The following SPON1 variants were observed in gnomAD, a reference collection of about 807,000 sequenced individuals.
SPON1 encodes the protein spondin 1, also known as spondin-1.
SPON1 carries 52 observed loss-of-function variants against 111.7 expected under a neutral mutation model. The ratio of observed to expected loss-of-function variants is 0.47; its 90% CI spans 0.37 to 0.59. The LOEUF (loss-of-function observed/expected upper bound fraction) is 0.59, where lower values mean the gene tolerates loss of function less well. Among genes scored for constraint, SPON1 ranks in the 20% least tolerant of loss-of-function variants. The pLI is 0.00. For missense variants in SPON1, 957 were observed against 1,068.5 expected, an observed-to-expected ratio of 0.90 and a Z score of 1.46; for synonymous variants, 410 against 395.8, an observed-to-expected ratio of 1.04 and a Z score of -0.43.
chr11:14,260,191 A>C lies in SPON1; in HGVS notation c.1832-397A>C, dbSNP rs538557527. 2.6e-5 allele frequency among the ~76,000 whole-genome samples: 4 copies of C among 152,330 alleles called. No individual in the cohort carries two copies. The South Asian group carries it at 8.3e-4, about 32-fold the overall frequency. On this transcript the variant is annotated intron_variant, in intron 13 of 15. Coordinates refer to ENST00000576479, the MANE Select transcript of SPON1 (RefSeq NM_006108.4). ...TATACAGGCACACAAGTATATACAC[A>C]TTCTAGGGAATTCAGGACAATGTCC... is the stretch of plus-strand genomic sequence containing the variant.
At chr11:14,085,024 C>A (rs534810657) in intron 5 of SPON1, among the ~76,000 whole-genome samples, 3 of 81,064 alleles carry the variant, frequency 3.7e-5, no homozygotes, top group African/African-American at 9.0e-5. Flanking sequence ...TGTTTGAGTT[C>A]TTTGTAATTC....
chr11:14,190,619 CTTCTT>C (rs531151555), intron 6 of SPON1, among the ~76,000 whole-genome samples: 2 of 148,516 alleles, frequency 1.3e-5, no homozygotes, highest in South Asian at 2.2e-4. Context: ...TCCTCCCTTG[CTTCTT>C]TTCTTTTCTT....
chr11:14,227,235 C>T (rs181837057), intron 6 of SPON1, among the ~76,000 whole-genome samples: 22 of 152,258 alleles, frequency 1.4e-4, no homozygotes, highest in African/African-American at 5.3e-4. Context: ...TGGTCTCAAT[C>T]TCCTGGCCTC....
intron 3 of SPON1, among the ~76,000 whole-genome samples, chr11:14,050,410 G>T (rs1024011702): frequency 6.6e-6 from 1 of 152,180 alleles, no homozygotes; most frequent in Non-Finnish European, 1.5e-5. Context: ...ATTCATTTGT[G>T]TACTGTTAGA....
intron 5 of SPON1, among the ~76,000 whole-genome samples, chr11:14,086,796 G>A (rs569267075): frequency 2.0e-5 from 3 of 152,190 alleles, no homozygotes; most frequent in Non-Finnish European, 2.9e-5. Flanking sequence ...TTGGTTGGTA[G>A]GCTATTAATT....
At chr11:14,048,186 C>T (rs533655393) in intron 3 of SPON1, among the ~76,000 whole-genome samples, 13 of 152,246 alleles carry the variant, frequency 8.5e-5, no homozygotes, top group South Asian at 8.3e-4. Context: ...TTGCATTGAG[C>T]GGAGATCATG....
chr11:13,999,424 CTTT>C (rs11411530), intron 2 of SPON1, among the ~76,000 whole-genome samples: 2 of 142,576 alleles, frequency 1.4e-5, no homozygotes, highest in South Asian at 2.3e-4. Context: ...CATTTTCTTT[CTTT>C]TTTTTTTTTT....
At chr11:14,076,860 G>C (rs1475799283) in intron 4 of SPON1, among the ~76,000 whole-genome samples, 1 of 152,200 alleles carries the variant, frequency 6.6e-6, no homozygotes, top group East Asian at 1.9e-4. Flanking sequence ...GCAGTCCAGA[G>C]AACCCTGGCC....
At chr11:14,170,172 G>A (rs1554932288) in intron 6 of SPON1, among the ~76,000 whole-genome samples, 1 of 152,020 alleles carries the variant, frequency 6.6e-6, no homozygotes, top group Non-Finnish European at 1.5e-5. Flanking sequence ...TTATTACATT[G>A]AGCAGTGGTT....
At chr11:13,987,387 C>A (rs1848193764) in intron 2 of SPON1, among the ~76,000 whole-genome samples, 1 of 151,326 alleles carries the variant, frequency 6.6e-6, no homozygotes. Context: ...CTGTTAATAT[C>A]CTTTGCCCAC....
intron 3 of SPON1, among the ~76,000 whole-genome samples, chr11:14,062,773 G>A (rs1848801194): frequency 6.6e-6 from 1 of 152,196 alleles, no homozygotes; most frequent in Non-Finnish European, 1.5e-5. Context: ...TTCACATGGA[G>A]ATATCCAGAA....
intron 5 of SPON1, among the ~76,000 whole-genome samples, chr11:14,128,625 T>C (rs963122521): frequency 9.2e-5 from 14 of 152,216 alleles, no homozygotes; most frequent in African/African-American, 3.4e-4. Context: ...TGAAGGATGA[T>C]GACCCTCTTC....
chr11:14,183,786 G>C (rs1591402917), intron 6 of SPON1, among the ~76,000 whole-genome samples: 1 of 151,994 alleles, frequency 6.6e-6, no homozygotes, highest in South Asian at 2.1e-4. Flanking sequence ...TGACTCTAAA[G>C]ATATGGTCTT....
At chr11:14,152,033 C>T (rs1847794095) in intron 6 of SPON1, among the ~76,000 whole-genome samples, 3 of 152,292 alleles carry the variant, frequency 2.0e-5, no homozygotes, top group Admixed American at 6.5e-5. Context: ...CATATTGTAA[C>T]CCCATTTGGC....
At chr11:14,044,300 A>G (rs2133815085) in intron 3 of SPON1, among the ~76,000 whole-genome samples, 1 of 152,306 alleles carries the variant, frequency 6.6e-6, no homozygotes, top group African/African-American at 2.4e-5. Context: ...AATACAGAAT[A>G]AAGAAAAAGT....
chr11:14,263,122 T>A (rs1849209401), intron 15 of SPON1, 147 bp downstream of exon 15: 7 of 816,872 alleles, frequency 8.6e-6, no homozygotes, highest in Non-Finnish European at 1.3e-5. Flanking sequence ...ACATTTTGAT[T>A]CTTTAGATCC....
intron 2 of SPON1, among the ~76,000 whole-genome samples, chr11:14,010,780 T>C (rs1448588911): frequency 4.6e-5 from 7 of 152,212 alleles, no homozygotes; most frequent in Admixed American, 2.6e-4. Context: ...ACTCATATCC[T>C]AGGCCAATGC....
chr11:14,230,775 C>T (rs931595986), intron 6 of SPON1, among the ~76,000 whole-genome samples: 15 of 109,784 alleles, frequency 1.4e-4, no homozygotes, highest in African/African-American at 4.4e-4. Context: ...TTCCTTCCTT[C>T]CTTCCTTCCT....
chr11:14,085,030 A>AG (rs145933562), intron 5 of SPON1, among the ~76,000 whole-genome samples: 100,277 of 151,864 alleles, frequency 0.66, 34,823 homozygotes, highest in East Asian at 0.85. Context: ...AGTTCTTTGT[A>AG]ATTCTGGAAA....
Sources: allele counts gnomAD v4.1 joint callset (sites outside exome capture counted in the v4.1 genomes callset), GRCh38; gene constraint gnomAD v4.1.1; transcripts MANE v1.5; gene names NCBI Gene and HGNC (gene_info 2026-07-23, HGNC 2026-07-21).